Variants in YY1AP1 observed in about 807,000 individuals in gnomAD.
YY1AP1 encodes YY1 associated protein 1, also known as YY1-associated protein 1.
Under a neutral mutation model 39.9 loss-of-function variants are expected in YY1AP1, and 43 were observed. That is an observed-to-expected ratio of 1.08 (90% CI 0.84 to 1.39). The LOEUF (loss-of-function observed/expected upper bound fraction) is 1.39, where lower values mean the gene tolerates loss of function less well. Among genes scored for constraint, YY1AP1 ranks in the 40% most tolerant of loss-of-function variants. The pLI, the probability that YY1AP1 is intolerant of heterozygous loss-of-function variation, is 0.00. For missense variants in YY1AP1, 813 were observed against 900.7 expected (o/e 0.90, Z 1.25); for synonymous variants, 292 against 331.3 (o/e 0.88, Z 1.29).
Position 155,659,926 on chromosome 1 carries a change from G to A in YY1AP1, c.1984C>T (p.Gln662Ter), listed in dbSNP as rs1055582657. 1 of 1,614,208 alleles carries A rather than the reference G, an allele frequency of 6.2e-7. No individual in the cohort carries two copies. The highest frequency in any genetic ancestry group is 8.5e-7 in the Non-Finnish European group (1 of 1,180,048). Reference sequence around the variant, plus strand: ...GTAGCAGAGAGAGGAGATAGTTCCTGGGGCTCTAATTTGGGTTCTAGGCCC... The same window carrying A: ...GTAGCAGAGAGAGGAGATAGTTCCTAGGGCTCTAATTTGGGTTCTAGGCCC... ...FQGLEPKLEP[Q>*]ELSPLSATVF... Residue 662 changes from glutamine (Q) to a stop codon, truncating the protein, a stop_gained, in exon 11 of 11, where the codon CAG becomes TAG. Transcript: ENST00000355499. LOFTEE classifies it low-confidence loss of function (END_TRUNC).
At chr1:155,676,225 AAAAAAAG>A (rs1650650208) in intron 5 of YY1AP1, among the ~76,000 whole-genome samples, 1 of 152,034 alleles carries the variant, frequency 6.6e-6, no homozygotes, top group South Asian at 2.1e-4. Context: ...ACGTCTCAAA[AAAAAAAG>A]AAAAAAGAAA....
chr1:155,688,307 G>T, intron 1 of YY1AP1, 106 bp from the exon 2 acceptor site: 1 of 1,565,074 alleles, frequency 6.4e-7, no homozygotes, highest in South Asian at 1.2e-5. Context: ...CCCTCGCAAA[G>T]CGAACCCAAA....
intron 1 of YY1AP1, 169 bp downstream of exon 1, chr1:155,688,490 G>C (rs1457222457): frequency 1.3e-6 from 2 of 1,549,226 alleles, no homozygotes; most frequent in African/African-American, 2.7e-5. Context: ...GCCCGCACGC[G>C]TACGAGTGTC....
intron 8 of YY1AP1, among the ~76,000 whole-genome samples, chr1:155,669,301 G>A (rs1006960526): frequency 6.6e-6 from 1 of 152,206 alleles, no homozygotes; most frequent in Non-Finnish European, 1.5e-5. Context: ...GCCTCCCAAA[G>A]TGTCGTCATT....
chr1:155,680,968 G>A (rs758162199), intron 2 of YY1AP1, among the ~76,000 whole-genome samples: 1 of 151,718 alleles, frequency 6.6e-6, no homozygotes, highest in Non-Finnish European at 1.5e-5. Flanking sequence ...GAGAGAGAGA[G>A]TTCTAATCTC....
intron 1 of YY1AP1, 141 bp from the exon 2 acceptor site, chr1:155,688,342 G>T: frequency 6.5e-7 from 1 of 1,549,590 alleles, no homozygotes; most frequent in East Asian, 2.4e-5. Flanking sequence ...GGCGGCAGCA[G>T]AGTGGCCGCG....
intron 9 of YY1AP1, among the ~76,000 whole-genome samples, chr1:155,663,975 G>C (rs1196828633): frequency 2.8e-5 from 4 of 144,862 alleles, no homozygotes; most frequent in Non-Finnish European, 6.0e-5. Flanking sequence ...AGGAGTTTGA[G>C]ACCAGCCTGG....
intron 2 of YY1AP1, among the ~76,000 whole-genome samples, chr1:155,684,476 A>T (rs1228906807): frequency 6.6e-6 from 1 of 152,196 alleles, no homozygotes; most frequent in East Asian, 1.9e-4. Context: ...GTCAATAGAA[A>T]GAAAGGACTA....
chr1:155,680,537 G>T, intron 2 of YY1AP1, 81 bp from the exon 3 acceptor site: 1 of 1,256,034 alleles, frequency 8.0e-7, no homozygotes, highest in Non-Finnish European at 1.2e-6. Flanking sequence ...AATGTATGAT[G>T]TTTTCAACAA....
At chr1:155,667,903 A>AATACATAC (rs57719884) in intron 9 of YY1AP1, among the ~76,000 whole-genome samples, 123 of 150,438 alleles carry the variant, frequency 8.2e-4, no homozygotes, top group Middle Eastern at 3.4e-3. Context: ...ACTCCATCTC[A>AATACATAC]ATACATACAT....
At chr1:155,688,354 C>T in intron 1 of YY1AP1, 153 bp from the exon 2 acceptor site, 1 of 1,547,782 alleles carries the variant, frequency 6.5e-7, no homozygotes, top group Non-Finnish European at 8.7e-7. Flanking sequence ...GTGGCCGCGG[C>T]AGCTCCTCCA....
At chr1:155,664,963 G>A (rs542858417) in intron 9 of YY1AP1, among the ~76,000 whole-genome samples, 6 of 151,656 alleles carry the variant, frequency 4.0e-5, no homozygotes, top group Non-Finnish European at 7.4e-5. Flanking sequence ...GTAGAGACGG[G>A]GTTTCACCAC....
chr1:155,670,247 T>A, intron 8 of YY1AP1, 73 bp downstream of exon 8: 1 of 1,595,410 alleles, frequency 6.3e-7, no homozygotes. Context: ...ATACAAGTCT[T>A]ACTTCCCCTA....
intron 7 of YY1AP1, among the ~76,000 whole-genome samples, chr1:155,671,296 T>C (rs929145302): frequency 9.2e-5 from 14 of 151,954 alleles, no homozygotes; most frequent in African/African-American, 3.4e-4. Flanking sequence ...CCAGGCATGG[T>C]GGCACGCACC....
rs1395505242 is a variant in YY1AP1, at chr1:155,676,547, C to G, written c.324+1G>C. ...ATTAATATGACCAAGGAAAGTGTTA[C>G]CTGCTGCATCTGCTGCTGGAGTCTC... On this transcript the variant is annotated splice_donor_variant, in intron 5 of 10. Coordinates refer to ENST00000355499, the MANE Select transcript of YY1AP1 (RefSeq NM_139119.3). LOFTEE classifies it high-confidence loss of function. 1 of 1,614,014 alleles carries G rather than the reference C, an allele frequency of 6.2e-7. No homozygotes were observed. The highest frequency in any genetic ancestry group is 8.5e-7 in the Non-Finnish European group (1 of 1,179,990).
At chr1:155,668,868 TCTTA>T in intron 8 of YY1AP1, 91 bp from the exon 9 acceptor site, 1 of 1,577,956 alleles carries the variant, frequency 6.3e-7, no homozygotes, top group Middle Eastern at 1.7e-4. Flanking sequence ...ATCTACTTTT[TCTTA>T]CTTGTTCTTA....
At chr1:155,687,604 G>A (rs556884268) in intron 2 of YY1AP1, among the ~76,000 whole-genome samples, 1 of 144,534 alleles carries the variant, frequency 6.9e-6, no homozygotes, top group Admixed American at 6.6e-5. Context: ...ACTAACCAGT[G>A]ACATTTATTA....
rs1650432270 is a variant in YY1AP1, at chr1:155,675,014, C to CAT, written c.405_406dup (p.Cys136TyrfsTer33). On this transcript the variant is annotated frameshift_variant, in exon 6 of 11. Transcript: ENST00000355499. LOFTEE classifies it high-confidence loss of function. ...TACGGCAATTTGGAAACTTACAAGA[C>CAT]ATATCCTGGTGCTACTGGCCTCCGG... 4 of 1,613,148 alleles carry CAT rather than the reference C, an allele frequency of 2.5e-6. No homozygotes were observed. The highest frequency in any genetic ancestry group is 3.4e-6 in the Non-Finnish European group (4 of 1,179,246).
At chr1:155,662,730 G>A (rs534763168) in intron 9 of YY1AP1, among the ~76,000 whole-genome samples, 1 of 152,306 alleles carries the variant, frequency 6.6e-6, no homozygotes, top group South Asian at 2.1e-4. Flanking sequence ...GCTGGGCATG[G>A]TGGCTCATGC....
Sources: allele counts gnomAD v4.1 joint callset (sites outside exome capture counted in the v4.1 genomes callset), GRCh38; gene constraint gnomAD v4.1.1; transcripts MANE v1.5; gene names NCBI Gene and HGNC (gene_info 2026-07-23, HGNC 2026-07-21).